Variants in EYS observed in about 807,000 individuals in gnomAD.
EYS encodes the protein protein eyes shut homolog.
Under a neutral mutation model 282.1 loss-of-function variants are expected in EYS, and 250 were observed. That is an observed-to-expected ratio of 0.89 (90% confidence interval 0.80 to 0.98). The LOEUF (loss-of-function observed/expected upper bound fraction) is 0.98. EYS is among the 50% of genes least tolerant of loss of function. The pLI, the probability that EYS is intolerant of heterozygous loss-of-function variation, is 0.00. For missense variants in EYS, 4,016 were observed against 3,709.0 expected (o/e 1.08, Z -2.15); for synonymous variants, 1,355 against 1,282.9 (o/e 1.06, Z -1.20).
chr6:64,345,306 T>C (rs1350134241), intron 29 of EYS, among the ~76,000 whole-genome samples: 1 of 151,858 alleles, frequency 6.6e-6, no homozygotes, highest in Non-Finnish European at 1.5e-5. Flanking sequence ...AACTATACTA[T>C]GAGGCTACAG....
chr6:64,033,168 TGTCTA>T (rs1305093409), intron 33 of EYS, among the ~76,000 whole-genome samples: 1 of 152,212 alleles, frequency 6.6e-6, no homozygotes, highest in East Asian at 1.9e-4. Context: ...TCTGAAGAAA[TGTCTA>T]GTCAAGTTTT....
chr6:63,794,394 G>A (rs1770590207), intron 37 of EYS, among the ~76,000 whole-genome samples: 1 of 151,980 alleles, frequency 6.6e-6, no homozygotes, highest in Non-Finnish European at 1.5e-5. Flanking sequence ...TTTTTTGTTT[G>A]TTTGTTTTTG....
rs748598486 is a variant in EYS at position 65,288,472 on chromosome 6, G to T, written c.2023+7391C>A. Among the ~76,000 whole-genome samples the T allele has an allele frequency of 4.7e-5, 7 of 150,250 alleles. 1 individual carries two copies. ...ACACATATGTATATATGTGTTCATA[G>T]ATACAAGCACACACATGTGTATTTG... On this transcript the variant is annotated intron_variant, in intron 12 of 42. Coordinates refer to ENST00000503581, the MANE Select transcript of EYS (RefSeq NM_001142800.2).
At chr6:64,933,394 C>A (rs1483107843) in intron 15 of EYS, among the ~76,000 whole-genome samples, 1 of 152,070 alleles carries the variant, frequency 6.6e-6, no homozygotes, top group Admixed American at 6.6e-5. Context: ...AGCTTATCAT[C>A]ACCGGTCATT....
At chr6:64,440,279 T>C (rs1774896509) in intron 26 of EYS, among the ~76,000 whole-genome samples, 1 of 152,176 alleles carries the variant, frequency 6.6e-6, no homozygotes, top group Admixed American at 6.5e-5. Flanking sequence ...TTATATCCTA[T>C]GTGTGCTGTC....
chr6:65,553,984 G>A (rs1458643751), intron 2 of EYS, among the ~76,000 whole-genome samples: 1 of 152,132 alleles, frequency 6.6e-6, no homozygotes, highest in Non-Finnish European at 1.5e-5. Context: ...GTGACATTAG[G>A]AAGTGGTACC....
At chr6:64,070,320 G>A (rs1309896981) in intron 32 of EYS, among the ~76,000 whole-genome samples, 6 of 152,002 alleles carry the variant, frequency 3.9e-5, no homozygotes, top group African/African-American at 9.7e-5. Context: ...GTTATGCAGA[G>A]TTTTCAGATA....
At chr6:64,191,882 A>T (rs200508761) in intron 31 of EYS, among the ~76,000 whole-genome samples, 3 of 149,636 alleles carry the variant, frequency 2.0e-5, no homozygotes, top group South Asian at 2.1e-4. Context: ...TTTCTAGTTC[A>T]AGATCCCTGA....
Position 65,491,512 on chromosome 6 carries a change from G to A in EYS, c.749-805C>T, listed in dbSNP as rs1766042632. The A allele has an allele frequency of 3.7e-5, 13 of 356,082 alleles. 1 individual carries two copies. The highest frequency in any genetic ancestry group is 2.9e-4 in the South Asian group (13 of 45,314). The allele number at this position is 356,082 out of a possible 1,614,324, so 22.1% of individuals were successfully genotyped here. A position where few individuals can be genotyped will look rare whatever the true frequency, so the allele number is the denominator to read the frequency against. On this transcript the variant is annotated intron_variant, in intron 4 of 42. Coordinates refer to ENST00000503581, the MANE Select transcript of EYS (RefSeq NM_001142800.2). The stretch of plus-strand genomic sequence containing the variant: ...AGCAGTTTTTGCCATTATCATTGAT[G>A]TCTTTCAAATTCCTTATATACTGAC...
chr6:64,394,795 C>G (rs1345403970), intron 28 of EYS, among the ~76,000 whole-genome samples: 1 of 152,050 alleles, frequency 6.6e-6, no homozygotes, highest in African/African-American at 2.4e-5. Context: ...TCTAATTAAA[C>G]TAAAGAGCTT....
At chr6:65,334,882 C>T (rs1485582208) in intron 11 of EYS, 98 bp downstream of exon 11, 10 of 1,145,666 alleles carry the variant, frequency 8.7e-6, no homozygotes, top group Non-Finnish European at 1.3e-5. Context: ...TCATTTTAAT[C>T]AACAAAAACA....
At chr6:64,296,588 ATATATATATATTTT>A (rs1769026709) in intron 30 of EYS, among the ~76,000 whole-genome samples, 1 of 3,526 alleles carries the variant, frequency 2.8e-4, no homozygotes, top group African/African-American at 1.1e-3. Flanking sequence ...ATATATACAT[ATATATATATATTTT>A]TTTTTTTTTT....
intron 1 of EYS, among the ~76,000 whole-genome samples, chr6:65,698,717 G>A (rs548765890): frequency 1.1e-4 from 17 of 152,224 alleles, no homozygotes; most frequent in African/African-American, 3.8e-4. Flanking sequence ...TGCTGCAGGT[G>A]TCTATACATG....
At chr6:64,946,297 T>G (rs531502943) in intron 14 of EYS, among the ~76,000 whole-genome samples, 2 of 152,116 alleles carry the variant, frequency 1.3e-5, no homozygotes, top group East Asian at 3.9e-4. Context: ...AGCTCACAAG[T>G]TAAAAATACA....
intron 31 of EYS, among the ~76,000 whole-genome samples, chr6:64,139,669 A>G (rs1774275168): frequency 6.6e-6 from 1 of 151,976 alleles, no homozygotes; most frequent in African/African-American, 2.4e-5. Flanking sequence ...AATATTTGAT[A>G]AGTAAATAAA....
rs575428002 is a variant in EYS at position 64,272,163 on chromosome 6, C to T, written c.6191+34807G>A. ...GAAACCCATAGGGATTTTGAGCCTA[C>T]GTGTGTCTTTGCACATGAGGTGGGT... On this transcript the variant is annotated intron_variant, in intron 30 of 42. Transcript: ENST00000503581. 1.0e-3 allele frequency among the ~76,000 whole-genome samples: 154 copies of T among 152,238 alleles called. No homozygotes were observed. In the Middle Eastern group the frequency reaches 0.01, roughly 10 times the overall value.
At chr6:63,732,052 T>C (rs1210161323) in intron 41 of EYS, among the ~76,000 whole-genome samples, 1 of 151,966 alleles carries the variant, frequency 6.6e-6, no homozygotes, top group African/African-American at 2.4e-5. Context: ...GGAGCTCGAA[T>C]TGTATTTCAA....
At chr6:65,220,512 G>A (rs192835909) in intron 12 of EYS, among the ~76,000 whole-genome samples, 77 of 152,114 alleles carry the variant, frequency 5.1e-4, no homozygotes, top group East Asian at 2.1e-3. Flanking sequence ...CTCTTCCTTC[G>A]TCTTCCACCA....
intron 28 of EYS, among the ~76,000 whole-genome samples, chr6:64,411,679 T>C (rs979040109): frequency 6.6e-6 from 1 of 151,866 alleles, no homozygotes; most frequent in Non-Finnish European, 1.5e-5. Flanking sequence ...CCTACCAATA[T>C]ACAAAAGTTT....
Sources: allele counts gnomAD v4.1 joint callset (sites outside exome capture counted in the v4.1 genomes callset), GRCh38; gene constraint gnomAD v4.1.1; transcripts MANE v1.5; gene names NCBI Gene and HGNC (gene_info 2026-07-23, HGNC 2026-07-21).